PDGFC: variants seen among roughly 807,000 people sequenced by gnomAD.
PDGFC encodes platelet-derived growth factor C.
PDGFC carries 12 observed loss-of-function variants against 35.5 expected under a neutral mutation model. The ratio of observed to expected loss-of-function variants is 0.34; its 90% CI spans 0.22 to 0.55. PDGFC has a LOEUF of 0.55. Ranked by LOEUF, PDGFC falls within the 20% of genes least tolerant of loss-of-function variation. The probability of loss-of-function intolerance (pLI) is 0.91; values close to 1 mark genes in which losing one functional copy is unlikely to be tolerated. For missense variants in PDGFC, 322 were observed against 412.4 expected (o/e 0.78, Z 1.90); for synonymous variants, 159 against 148.8 (o/e 1.07, Z -0.50).
chr4:156,958,319 AT>A (rs1276492421), intron 1 of PDGFC, among the ~76,000 whole-genome samples: 1 of 151,486 alleles, frequency 6.6e-6, no homozygotes, highest in Non-Finnish European at 1.5e-5. Flanking sequence ...CAAGTTACTC[AT>A]TTAAAAAAAA....
intron 2 of PDGFC, among the ~76,000 whole-genome samples, chr4:156,842,987 T>C (rs1156361408): frequency 6.6e-6 from 1 of 152,182 alleles, no homozygotes; most frequent in African/African-American, 2.4e-5. Context: ...AGACACTATG[T>C]TTGCCTACAC....
intron 1 of PDGFC, among the ~76,000 whole-genome samples, chr4:156,866,767 A>G (rs58526172): frequency 0.018 from 2,771 of 150,124 alleles, 69 homozygotes; most frequent in African/African-American, 0.064. Context: ...TACACAATCT[A>G]ATTTTTTGCT....
rs182230008 is a variant in PDGFC at position 156,925,689 on chromosome 4, A to G, written c.118+45097T>C. Among the ~76,000 whole-genome samples, 7 of 151,844 alleles carry G rather than the reference A, an allele frequency of 4.6e-5. No individual in the cohort carries two copies. The East Asian group carries it at 9.7e-4, about 21-fold the overall frequency. On this transcript the variant is annotated intron_variant, in intron 1 of 5. Coordinates refer to ENST00000502773, the MANE Select transcript of PDGFC (RefSeq NM_016205.3). ...ATACATGGAGATCATCTACATACAT[A>G]CAGTATTTGAAGGCAAGAGATTGGC...
Position 156,761,896 on chromosome 4 carries a change from C to T in PDGFC, c.*1194G>A, listed in dbSNP as rs1207933056. On this transcript the variant is annotated 3_prime_UTR_variant, in exon 6 of 6. Transcript: ENST00000502773. ...TGTGTTCCTACTGCACAGCACAGCACGCTTTATCAGGAAGCTGCCAAGTCT... is the reference window on the plus strand; with the variant it reads ...TGTGTTCCTACTGCACAGCACAGCATGCTTTATCAGGAAGCTGCCAAGTCT... 5 of 152,716 alleles carry T rather than the reference C, an allele frequency of 3.3e-5. No homozygotes were observed. Among genetic ancestry groups the T allele is most frequent in the African/African-American group, 9.6e-5 (4 of 41,558 alleles). 9.5% of individuals were successfully genotyped at this position (152,716 alleles called of 1,614,324 possible).
chr4:156,884,709 G>T (rs1233263905), intron 1 of PDGFC, among the ~76,000 whole-genome samples: 17 of 152,132 alleles, frequency 1.1e-4, no homozygotes, highest in Admixed American at 1.1e-3. Flanking sequence ...GTAAAAAGAA[G>T]AATTTAAATA....
At chr4:156,795,582 C>T (rs540146705) in intron 3 of PDGFC, among the ~76,000 whole-genome samples, 8 of 152,248 alleles carry the variant, frequency 5.3e-5, no homozygotes, top group African/African-American at 1.9e-4. Context: ...CTGAACTACT[C>T]AAGTTAACTA....
intron 1 of PDGFC, among the ~76,000 whole-genome samples, chr4:156,953,557 A>G (rs984027481): frequency 2.6e-5 from 4 of 151,930 alleles, no homozygotes; most frequent in Non-Finnish European, 5.9e-5. Context: ...AAAAGTAGAG[A>G]AAAAAAGATG....
At chr4:156,958,232 A>G (rs1257100786) in intron 1 of PDGFC, among the ~76,000 whole-genome samples, 1 of 151,852 alleles carries the variant, frequency 6.6e-6, no homozygotes, top group Admixed American at 6.6e-5. Context: ...AAGGCATAGA[A>G]GTGTGAGTTG....
chr4:156,824,327 T>TACACATATACACAGAC (rs1553967645), intron 2 of PDGFC, among the ~76,000 whole-genome samples: 1 of 102,842 alleles, frequency 9.7e-6, no homozygotes, highest in Non-Finnish European at 1.9e-5. Flanking sequence ...TATATATATA[T>TACACATATACACAGAC]ACACACACAC....
intron 1 of PDGFC, among the ~76,000 whole-genome samples, chr4:156,874,470 T>C (rs1001701469): frequency 6.6e-6 from 1 of 152,076 alleles, no homozygotes; most frequent in East Asian, 1.9e-4. Flanking sequence ...CGATGAAAAC[T>C]CAAATATAAC....
At chr4:156,778,114 A>T in intron 3 of PDGFC, 2 of 246,836 alleles carry the variant, frequency 8.1e-6, no homozygotes, top group South Asian at 6.9e-5. Flanking sequence ...AAAAAATAAA[A>T]AATAAAAAAA....
At chr4:156,969,222 A>C (rs1305623263) in intron 1 of PDGFC, among the ~76,000 whole-genome samples, 1 of 152,222 alleles carries the variant, frequency 6.6e-6, no homozygotes, top group East Asian at 1.9e-4. Flanking sequence ...TTTGAACTGG[A>C]CATTTATTTT....
intron 1 of PDGFC, among the ~76,000 whole-genome samples, chr4:156,866,842 T>C (rs1159907285): frequency 1.3e-5 from 2 of 152,214 alleles, no homozygotes; most frequent in African/African-American, 2.4e-5. Context: ...CTGTAATCCA[T>C]TAGTGAGCAC....
intron 1 of PDGFC, among the ~76,000 whole-genome samples, chr4:156,964,450 A>G (rs191866449): frequency 6.7e-6 from 1 of 148,572 alleles, no homozygotes; most frequent in East Asian, 2.0e-4. Context: ...TATATACTGT[A>G]TATATAGTAC....
At chr4:156,763,680 G>C (rs1302205965) in intron 5 of PDGFC, among the ~76,000 whole-genome samples, 1 of 152,168 alleles carries the variant, frequency 6.6e-6, no homozygotes, top group Non-Finnish European at 1.5e-5. Flanking sequence ...CTCCACAGCT[G>C]AGTCTGCTCA....
rs58698115 is a variant in PDGFC, at chr4:156,824,285, CATATAT to C, written c.315-13274_315-13269del. On this transcript the variant is annotated intron_variant, in intron 2 of 5. Coordinates refer to ENST00000502773, the MANE Select transcript of PDGFC (RefSeq NM_016205.3). The stretch of plus-strand genomic sequence containing the variant: ...TTTAACCCGTCTAGAACAATGTAAG[CATATAT>C]ATATATATATATATATATATATATA... Among the ~76,000 whole-genome samples, 458 of 92,780 alleles carry C rather than the reference CATATAT, an allele frequency of 4.9e-3. 8 individuals carry two copies. Among genetic ancestry groups the C allele is most frequent in the Middle Eastern group, 0.012 (2 of 166 alleles). The allele number at this position is 92,780 out of a possible 152,430, so 60.9% of individuals were successfully genotyped here.
chr4:156,905,499 A>G (rs1464550502), intron 1 of PDGFC, among the ~76,000 whole-genome samples: 1 of 152,092 alleles, frequency 6.6e-6, no homozygotes, highest in African/African-American at 2.4e-5. Flanking sequence ...AATAAAGTTA[A>G]CCCAAATAAC....
At chr4:156,942,456 C>G (rs1731832359) in intron 1 of PDGFC, among the ~76,000 whole-genome samples, 1 of 151,732 alleles carries the variant, frequency 6.6e-6, no homozygotes. Flanking sequence ...AAACACTTCC[C>G]ATAAATAGAT....
intron 1 of PDGFC, 97 bp downstream of exon 1, chr4:156,970,689 C>A (rs1023220897): frequency 2.5e-5 from 19 of 754,116 alleles, no homozygotes; most frequent in Non-Finnish European, 4.1e-5. Flanking sequence ...ACCAAAGATA[C>A]CTTCACAGTC....
Sources: gnomAD v4.1 joint callset for allele counts (sites outside exome capture counted in the v4.1 genomes callset) on GRCh38, gnomAD v4.1.1 for gene constraint, MANE v1.5 for transcripts, NCBI Gene and HGNC (gene_info 2026-07-23, HGNC 2026-07-21) for gene names.